MARCHF1: variants seen among roughly 807,000 people sequenced by gnomAD.
MARCHF1 encodes membrane associated ring-CH-type finger 1.
Under a neutral mutation model 54.2 loss-of-function variants are expected in MARCHF1, and 40 were observed. The observed-to-expected ratio is 0.74, with a 90% confidence interval of 0.57 to 0.96. The LOEUF is 0.96. Among genes scored for constraint, MARCHF1 ranks in the 40% least tolerant of loss-of-function variants. The probability of loss-of-function intolerance (pLI) is 0.00; values close to 1 mark genes in which losing one functional copy is unlikely to be tolerated. For missense variants in MARCHF1, 586 were observed against 656.5 expected, an observed-to-expected ratio of 0.89 and a Z score of 1.17; for synonymous variants, 236 against 236.3, an observed-to-expected ratio of 1.00 and a Z score of 0.01.
Position 163,976,242 on chromosome 4 carries a change from C to T in MARCHF1, c.-39+12259G>A, listed in dbSNP as rs146152867. On this transcript the variant is annotated intron_variant, in intron 3 of 9. Transcript: ENST00000514618. ...GGGCAAGTGTGTAGAGGACAAATAA[C>T]TTGTCTCTTTATTTTAGAGGTCATC... Among the ~76,000 whole-genome samples, 608 of 152,172 alleles carry T rather than the reference C, an allele frequency of 4.0e-3. 3 individuals carry two copies. Among genetic ancestry groups the T allele is most frequent in the African/African-American group, 0.014 (578 of 41,534 alleles).
At chr4:163,590,166 G>C (rs962740186) in intron 7 of MARCHF1, among the ~76,000 whole-genome samples, 4 of 149,790 alleles carry the variant, frequency 2.7e-5, no homozygotes, top group Non-Finnish European at 5.9e-5. Context: ...ATGGTCTTTA[G>C]TGCTCCCTGC....
intron 1 of MARCHF1, among the ~76,000 whole-genome samples, chr4:164,244,823 C>T (rs1402383318): frequency 6.6e-6 from 1 of 151,932 alleles, no homozygotes; most frequent in African/African-American, 2.4e-5. Context: ...GAGAATACTA[C>T]AAACACCTCT....
intron 2 of MARCHF1, among the ~76,000 whole-genome samples, chr4:164,097,469 T>C (rs1755441528): frequency 2.0e-5 from 3 of 152,216 alleles, no homozygotes; most frequent in African/African-American, 4.8e-5. Flanking sequence ...CTATGATTTA[T>C]ACTCATTAGA....
chr4:164,190,161 G>C, intron 1 of MARCHF1: 3 of 1,561,004 alleles, frequency 1.9e-6, no homozygotes, highest in Non-Finnish European at 2.6e-6. Flanking sequence ...CATGGAAAAA[G>C]CTGTAGAAGA....
intron 3 of MARCHF1, among the ~76,000 whole-genome samples, chr4:163,940,736 T>C (rs1343971805): frequency 2.6e-5 from 4 of 152,098 alleles, no homozygotes; most frequent in Admixed American, 1.3e-4. Context: ...ATTGGAAAAA[T>C]AAATCAAGAA....
chr4:163,855,205 C>T (rs1392630454), intron 3 of MARCHF1, among the ~76,000 whole-genome samples: 6 of 151,956 alleles, frequency 3.9e-5, no homozygotes, highest in South Asian at 4.2e-4. Context: ...AATGTAAATA[C>T]GAAAGTGATA....
intron 1 of MARCHF1, among the ~76,000 whole-genome samples, chr4:164,374,684 C>T (rs532179581): frequency 2.5e-4 from 38 of 152,164 alleles, no homozygotes; most frequent in African/African-American, 7.9e-4. Flanking sequence ...CTTAATAATG[C>T]GTCAAATTGA....
intron 2 of MARCHF1, among the ~76,000 whole-genome samples, chr4:164,105,680 A>T (rs1271161014): frequency 1.1e-5 from 1 of 89,538 alleles, no homozygotes. Context: ...AAACCTAGGC[A>T]TTACCATTCA....
intron 1 of MARCHF1, among the ~76,000 whole-genome samples, chr4:164,132,492 A>C (rs1379628209): frequency 1.3e-5 from 2 of 152,176 alleles, no homozygotes. Context: ...TCAAAAAGTA[A>C]AAATTTACCA....
At chr4:163,893,636 A>G (rs1277999121) in intron 3 of MARCHF1, among the ~76,000 whole-genome samples, 1 of 152,208 alleles carries the variant, frequency 6.6e-6, no homozygotes, top group Non-Finnish European at 1.5e-5. Context: ...CCCATTTTTG[A>G]ATAGATAATT....
At chr4:163,921,084 C>A (rs1430145864) in intron 3 of MARCHF1, among the ~76,000 whole-genome samples, 2 of 152,028 alleles carry the variant, frequency 1.3e-5, no homozygotes, top group African/African-American at 4.8e-5. Flanking sequence ...AAACTGATAC[C>A]AAATGTCTGT....
chr4:163,733,991 C>A (rs1233610477), intron 4 of MARCHF1, among the ~76,000 whole-genome samples: 1 of 151,988 alleles, frequency 6.6e-6, no homozygotes, highest in Non-Finnish European at 1.5e-5. Context: ...TAAAGATGTA[C>A]AAATATTTGA....
chr4:164,340,127 C>T (rs931398323), intron 1 of MARCHF1, among the ~76,000 whole-genome samples: 17 of 151,954 alleles, frequency 1.1e-4, no homozygotes, highest in Non-Finnish European at 2.1e-4. Context: ...AGCCAGGATC[C>T]GATAGCTTCA....
chr4:163,529,739 C>T (rs1738280689), intron 9 of MARCHF1: 1 of 152,026 alleles, frequency 6.6e-6, no homozygotes, highest in Non-Finnish European at 1.5e-5. Context: ...TAGAAATAGG[C>T]TTTCTTTTGT....
intron 3 of MARCHF1, chr4:163,932,552 G>T: frequency 2.8e-6 from 1 of 359,932 alleles, no homozygotes; most frequent in Non-Finnish European, 5.5e-6. Context: ...TGATCCAGAA[G>T]GCTAAGCTAG....
At chr4:163,620,602 CACACAGAGAGAGAGAGAGAGAGAGAG>C (rs1311420288) in intron 5 of MARCHF1, among the ~76,000 whole-genome samples, 3 of 97,914 alleles carry the variant, frequency 3.1e-5, no homozygotes, top group African/African-American at 2.0e-4. Flanking sequence ...CACACACACA[CACACAGAGAGAGAGAGAGAGAGAGAG>C]AGAGAGAGAG....
At chr4:163,989,892 C>T (rs1752941048) in intron 2 of MARCHF1, among the ~76,000 whole-genome samples, 1 of 152,200 alleles carries the variant, frequency 6.6e-6, no homozygotes, top group Admixed American at 6.5e-5. Flanking sequence ...GAAAGTTCCT[C>T]GTTTTTATAT....
chr4:163,930,863 T>G (rs1020664122), intron 3 of MARCHF1, among the ~76,000 whole-genome samples: 1 of 152,112 alleles, frequency 6.6e-6, no homozygotes, highest in Non-Finnish European at 1.5e-5. Flanking sequence ...GAATGTACTT[T>G]GCATGAAATA....
chr4:163,885,637 A>G (rs1025891666), intron 3 of MARCHF1, among the ~76,000 whole-genome samples: 1 of 152,138 alleles, frequency 6.6e-6, no homozygotes, highest in African/African-American at 2.4e-5. Flanking sequence ...GTATAAAGTC[A>G]TCACCATAGA....
Sources: allele counts gnomAD v4.1 joint callset (sites outside exome capture counted in the v4.1 genomes callset), GRCh38; gene constraint gnomAD v4.1.1; transcripts MANE v1.5; gene names NCBI Gene and HGNC (gene_info 2026-07-23, HGNC 2026-07-21).